The following VWA8 variants were observed in gnomAD, a reference collection of about 807,000 sequenced individuals.
The protein encoded by VWA8 is von Willebrand factor A domain-containing protein 8.
VWA8 carries 221 observed loss-of-function variants against 241.5 expected under a neutral mutation model. The observed-to-expected ratio is 0.91, with a 90% CI of 0.82 to 1.02. The LOEUF (loss-of-function observed/expected upper bound fraction) is 1.02, where lower values mean the gene tolerates loss of function less well. Ranked by LOEUF, VWA8 falls within the 50% of genes least tolerant of loss-of-function variation. The pLI is 0.00. For missense variants in VWA8, 2,322 were observed against 2,328.7 expected, an observed-to-expected ratio of 1.00 and a Z score of 0.06; for synonymous variants, 852 against 827.1, an observed-to-expected ratio of 1.03 and a Z score of -0.52.
chr13:41,690,609 G>T (rs1478248021), intron 32 of VWA8, among the ~76,000 whole-genome samples: 1 of 152,078 alleles, frequency 6.6e-6, no homozygotes, highest in Admixed American at 6.6e-5. Context: ...CAGGAAGGGG[G>T]AGTATGACTT....
chr13:41,724,505 G>A (rs574373653), intron 24 of VWA8, among the ~76,000 whole-genome samples: 1 of 152,230 alleles, frequency 6.6e-6, no homozygotes, highest in African/African-American at 2.4e-5. Flanking sequence ...GGCGGGATCT[G>A]GTGCTCATCT....
chr13:41,850,800 C>T (rs1001392689), intron 12 of VWA8, among the ~76,000 whole-genome samples: 5 of 152,278 alleles, frequency 3.3e-5, no homozygotes, highest in African/African-American at 9.6e-5. Flanking sequence ...CACTAACAAT[C>T]AGGGAACCAA....
At chr13:41,610,644 A>G (rs926471857) in intron 39 of VWA8, among the ~76,000 whole-genome samples, 8 of 152,206 alleles carry the variant, frequency 5.3e-5, no homozygotes, top group African/African-American at 1.9e-4. Flanking sequence ...GAGGAATTTC[A>G]TAACTCATAC....
chr13:41,926,656 A>G, intron 2 of VWA8: 1 of 542,754 alleles, frequency 1.8e-6, no homozygotes, highest in Non-Finnish European at 3.8e-6. Context: ...AGATGGTTTC[A>G]GGGATGGTAA....
chr13:41,679,851 G>A (rs1235471821), intron 35 of VWA8, among the ~76,000 whole-genome samples: 1 of 39,916 alleles, frequency 2.5e-5, no homozygotes, highest in Non-Finnish European at 5.1e-5. Flanking sequence ...CCCCCTACCC[G>A]CCCCCGGCCG....
intron 37 of VWA8, among the ~76,000 whole-genome samples, chr13:41,627,668 C>T (rs1013911853): frequency 9.2e-5 from 14 of 152,130 alleles, no homozygotes; most frequent in Non-Finnish European, 2.1e-4. Flanking sequence ...CCACTGGAAC[C>T]ATGAGAGACC....
At chr13:41,875,338 A>G (rs1214760432) in intron 9 of VWA8, among the ~76,000 whole-genome samples, 1 of 152,054 alleles carries the variant, frequency 6.6e-6, no homozygotes, top group Non-Finnish European at 1.5e-5. Flanking sequence ...CACCTCAGCT[A>G]GGGCACATTT....
rs764674854 is a variant in VWA8, at chr13:41,611,669, G to A, written c.4784C>T (p.Thr1595Met). Reference protein sequence around the residue: ...GGPYRLDAGHTVYQVSQAEKD... With the variant: ...GGPYRLDAGHMVYQVSQAEKD... ...CTCAGCCTGAGAGACCTGGTACACC[G>A]TATGGCCTGCATCCAGCCGGTAAGG... The change falls in exon 39 of 45, where the codon ACG becomes ATG. Residue 1595 changes from threonine (T) to methionine (M), a missense_variant. Coordinates refer to ENST00000379310, the MANE Select transcript of VWA8 (RefSeq NM_015058.2). 1.3e-5 allele frequency: 21 copies of A among 1,613,914 alleles called. No homozygotes were observed. The highest frequency in any genetic ancestry group is 1.5e-5 in the Non-Finnish European group (18 of 1,179,978).
Position 41,830,306 on chromosome 13 carries a change from G to GT in VWA8, c.1700+222dup, listed in dbSNP as rs558032123. ...AAAAGCAAATAAAACAGTTGATTAGGTTTTTTTTTTTAAAAAAAAAAAGTA... is the reference window on the plus strand; with the variant it reads ...AAAAGCAAATAAAACAGTTGATTAGGTTTTTTTTTTTTAAAAAAAAAAAGTA... On this transcript the variant is annotated intron_variant, in intron 14 of 44. Coordinates refer to ENST00000379310, the MANE Select transcript of VWA8 (RefSeq NM_015058.2). 1.1e-3 allele frequency among the ~76,000 whole-genome samples: 158 copies of GT among 142,652 alleles called. 1 individual carries two copies. Among genetic ancestry groups the GT allele is most frequent in the South Asian group, 1.6e-3 (7 of 4,500 alleles). The allele number at this position is 142,652 out of a possible 152,430, so 93.6% of individuals were successfully genotyped here.
At chr13:41,632,079 C>T (rs141464047) in intron 37 of VWA8, among the ~76,000 whole-genome samples, 2 of 152,230 alleles carry the variant, frequency 1.3e-5, no homozygotes, top group African/African-American at 4.8e-5. Flanking sequence ...CCTCCATAGC[C>T]AAGGAAGAAG....
intron 21 of VWA8, among the ~76,000 whole-genome samples, chr13:41,742,610 AC>A (rs1429968210): frequency 2.6e-5 from 4 of 152,304 alleles, no homozygotes; most frequent in Admixed American, 2.6e-4. Flanking sequence ...ATAATGCAAA[AC>A]CCTTTTTGTT....
chr13:41,912,220 A>G (rs377381202), intron 2 of VWA8, 52 bp from the exon 3 acceptor site: 2 of 1,447,792 alleles, frequency 1.4e-6, no homozygotes, highest in Non-Finnish European at 1.8e-6. Flanking sequence ...TACTTATAAT[A>G]TAAATCTCCA....
chr13:41,783,940 C>T, intron 18 of VWA8, 39 bp from the exon 19 acceptor site: 1 of 1,546,734 alleles, frequency 6.5e-7, no homozygotes, highest in South Asian at 1.1e-5. Flanking sequence ...ATTCATAGCA[C>T]TGTCCTCAGA....
rs868177013 is a variant in VWA8 at position 41,819,257 on chromosome 13, T to C, written c.1830A>G (p.Pro610=). 5 of 1,610,602 alleles carry C rather than the reference T, an allele frequency of 3.1e-6. No homozygotes were observed. The Admixed American group carries it at 5.1e-5, about 16-fold the overall frequency. The stretch of plus-strand genomic sequence containing the variant: ...CTTGGATTTCTTCACTTTTCACAAG[T>C]GGTTTCATGTAATGGAAAAAGAACA... The part of the protein sequence containing the change: ...LTMFFFHYMK[P]LVKSEEIQVI... The change falls in exon 15 of 45, where the codon CCA becomes CCG. Residue 610 remains proline (P), a synonymous_variant. Transcript: ENST00000379310.
intron 2 of VWA8, among the ~76,000 whole-genome samples, chr13:41,917,231 G>A (rs1876301994): frequency 6.6e-6 from 1 of 151,928 alleles, no homozygotes; most frequent in African/African-American, 2.4e-5. Flanking sequence ...GCATAGGTCA[G>A]ATTCTATTAT....
At chr13:41,864,982 T>G (rs1006576604) in intron 12 of VWA8, among the ~76,000 whole-genome samples, 27 of 99,130 alleles carry the variant, frequency 2.7e-4, no homozygotes, top group African/African-American at 1.1e-3. Flanking sequence ...AGAGTGAAAC[T>G]CCATCTCAAA....
At chr13:41,941,611 T>C (rs1566046763) in intron 2 of VWA8, among the ~76,000 whole-genome samples, 1 of 152,222 alleles carries the variant, frequency 6.6e-6, no homozygotes, top group African/African-American at 2.4e-5. Flanking sequence ...AAAATATTTT[T>C]AGCATATCTC....
At chr13:41,703,083 T>C (rs939435787) in intron 27 of VWA8, among the ~76,000 whole-genome samples, 2 of 152,140 alleles carry the variant, frequency 1.3e-5, no homozygotes, top group Non-Finnish European at 2.9e-5. Flanking sequence ...TAGGAAAATA[T>C]GTAACATACC....
intron 7 of VWA8, 82 bp from the exon 8 acceptor site, chr13:41,886,110 TTTAA>T (rs1874522282): frequency 2.2e-6 from 2 of 916,368 alleles, no homozygotes; most frequent in South Asian, 1.7e-5. Context: ...CAGGGGCCAA[TTTAA>T]TTAATCTAAA....
Sources: allele counts gnomAD v4.1 joint callset (sites outside exome capture counted in the v4.1 genomes callset), GRCh38; gene constraint gnomAD v4.1.1; transcripts MANE v1.5; gene names NCBI Gene and HGNC (gene_info 2026-07-23, HGNC 2026-07-21).